MICU1: variants seen among roughly 807,000 people sequenced by gnomAD.
The protein encoded by MICU1 is mitochondrial calcium uptake 1, also known as calcium uptake protein 1, mitochondrial.
Under a neutral mutation model 56.8 loss-of-function variants are expected in MICU1, and 45 were observed. The ratio of observed to expected loss-of-function variants is 0.79; its 90% CI spans 0.62 to 1.02. The LOEUF (loss-of-function observed/expected upper bound fraction) is 1.02. MICU1 is among the 50% of genes least tolerant of loss of function. MICU1 has a pLI of 0.00. For missense variants in MICU1, 504 were observed against 587.1 expected (o/e 0.86, Z 1.46); for synonymous variants, 186 against 195.1 (o/e 0.95, Z 0.39).
At chr10:72,577,761 T>C (rs528992491) in intron 1 of MICU1, among the ~76,000 whole-genome samples, 4 of 152,276 alleles carry the variant, frequency 2.6e-5, no homozygotes, top group African/African-American at 9.6e-5. Flanking sequence ...TGTGACTGGA[T>C]TGCTATGATC....
intron 4 of MICU1, among the ~76,000 whole-genome samples, chr10:72,538,466 T>TA (rs1683390536): frequency 6.6e-6 from 1 of 152,132 alleles, no homozygotes; most frequent in South Asian, 2.1e-4. Flanking sequence ...TAAAACACTT[T>TA]AAAGTGTAGA....
intron 1 of MICU1, among the ~76,000 whole-genome samples, chr10:72,587,567 C>A (rs913065037): frequency 2.6e-5 from 4 of 151,480 alleles, no homozygotes; most frequent in Non-Finnish European, 5.9e-5. Context: ...GCCAGGAGTT[C>A]AAGATCAGCC....
At chr10:72,410,652 C>T (rs905642155) in intron 9 of MICU1, among the ~76,000 whole-genome samples, 3 of 152,020 alleles carry the variant, frequency 2.0e-5, no homozygotes, top group African/African-American at 7.2e-5. Context: ...AAACAAAAAA[C>T]AAACATTTAT....
intron 2 of MICU1, 77 bp downstream of exon 2, chr10:72,566,556 T>A: frequency 7.1e-7 from 1 of 1,417,458 alleles, no homozygotes; most frequent in South Asian, 1.4e-5. Flanking sequence ...AAGCCAGAAA[T>A]CAACTCCTTT....
intron 9 of MICU1, among the ~76,000 whole-genome samples, chr10:72,417,370 C>A (rs550073600): frequency 6.7e-6 from 1 of 149,466 alleles, no homozygotes; most frequent in East Asian, 2.0e-4. Context: ...AGGAGAATGG[C>A]ATGAACCCAG....
At chr10:72,501,684 G>A (rs1867072986) in intron 6 of MICU1, 1 of 152,148 alleles carries the variant, frequency 6.6e-6, no homozygotes, top group Non-Finnish European at 1.5e-5. Context: ...TGTTGTATGA[G>A]TGAAATGGAA....
chr10:72,477,522 T>C (rs1425528453), intron 6 of MICU1: 2 of 1,535,774 alleles, frequency 1.3e-6, no homozygotes, highest in Admixed American at 3.9e-5. Context: ...TTGCCTTAAA[T>C]GATTTAGCTT....
chr10:72,530,948 T>C (rs1229195966), intron 5 of MICU1, among the ~76,000 whole-genome samples: 1 of 152,234 alleles, frequency 6.6e-6, no homozygotes, highest in Admixed American at 6.5e-5. Context: ...GGAGGTTCCA[T>C]TATTCAGGTA....
At chr10:72,424,212 A>G (rs1217235130) in intron 8 of MICU1, among the ~76,000 whole-genome samples, 1 of 151,758 alleles carries the variant, frequency 6.6e-6, no homozygotes, top group Non-Finnish European at 1.5e-5. Flanking sequence ...TCCCAGGTTC[A>G]AGCGATTCTC....
At chr10:72,526,887 G>C (rs1867977843) in intron 5 of MICU1, among the ~76,000 whole-genome samples, 1 of 140,722 alleles carries the variant, frequency 7.1e-6, no homozygotes, top group Non-Finnish European at 1.5e-5. Context: ...AAAGATCCAA[G>C]TTTTCAAATA....
intron 11 of MICU1, among the ~76,000 whole-genome samples, chr10:72,368,904 G>A (rs923696677): frequency 1.4e-4 from 21 of 152,154 alleles, no homozygotes; most frequent in African/African-American, 3.1e-4. Flanking sequence ...AGGATACAGC[G>A]TGGCTGCCAG....
chr10:72,500,302 A>ATTTTTT (rs542725786), intron 6 of MICU1, among the ~76,000 whole-genome samples: 12 of 10,648 alleles, frequency 1.1e-3, no homozygotes, highest in East Asian at 0.011. Context: ...ATATATATAT[A>ATTTTTT]TTTTTTTTTT....
intron 8 of MICU1, among the ~76,000 whole-genome samples, chr10:72,441,196 T>C (rs1864912953): frequency 6.6e-6 from 1 of 152,126 alleles, no homozygotes; most frequent in Admixed American, 6.6e-5. Flanking sequence ...GTGGCACATA[T>C]ACACCATGGA....
chr10:72,393,125 C>G (rs2132071076), intron 10 of MICU1, among the ~76,000 whole-genome samples: 1 of 152,294 alleles, frequency 6.6e-6, no homozygotes, highest in Non-Finnish European at 1.5e-5. Context: ...TCAGATATAT[C>G]AATATGTTCA....
intron 9 of MICU1, 84 bp from the exon 10 acceptor site, chr10:72,408,121 A>G: frequency 1.3e-6 from 1 of 772,504 alleles, no homozygotes; most frequent in South Asian, 1.7e-5. Context: ...CACATCTGCA[A>G]ATCAGAAATT....
chr10:72,391,656 A>G (rs1479520407), intron 10 of MICU1, among the ~76,000 whole-genome samples: 2 of 151,380 alleles, frequency 1.3e-5, no homozygotes, highest in Non-Finnish European at 2.9e-5. Flanking sequence ...TTACGTGCAG[A>G]TTTTTTTTTC....
chr10:72,454,660 G>A (rs1463914855), intron 8 of MICU1, among the ~76,000 whole-genome samples: 3 of 151,378 alleles, frequency 2.0e-5, no homozygotes, highest in Non-Finnish European at 4.4e-5. Context: ...GTGTGCCCCT[G>A]TAGTCCCAGC....
At chr10:72,577,415 A>C (rs1840776561) in intron 1 of MICU1, among the ~76,000 whole-genome samples, 1 of 151,990 alleles carries the variant, frequency 6.6e-6, no homozygotes. Flanking sequence ...AGGCTGAGGC[A>C]GGAGAATTGC....
chr10:72,457,764 CA>C (rs1361904255), intron 8 of MICU1, among the ~76,000 whole-genome samples: 2 of 151,828 alleles, frequency 1.3e-5, no homozygotes, highest in African/African-American at 4.8e-5. Context: ...TCACCACCAC[CA>C]CAACAAAAAA....
Sources: allele counts gnomAD v4.1 joint callset (sites outside exome capture counted in the v4.1 genomes callset), GRCh38; gene constraint gnomAD v4.1.1; transcripts MANE v1.5; gene names NCBI Gene and HGNC (gene_info 2026-07-23, HGNC 2026-07-21).